Variants in CERT1 observed in about 807,000 individuals in gnomAD.
CERT1 encodes ceramide transporter 1.
In CERT1, 31 loss-of-function variants were observed where a neutral mutation model predicts 87.9. The observed-to-expected ratio is 0.35, with a 90% CI of 0.27 to 0.48. CERT1 has a LOEUF of 0.48. Ranked by LOEUF, CERT1 falls within the 20% of genes least tolerant of loss-of-function variation. CERT1 has a pLI of 0.99. For missense variants in CERT1, 487 were observed against 758.0 expected, an observed-to-expected ratio of 0.64 and a Z score of 4.20; for synonymous variants, 289 against 250.9, an observed-to-expected ratio of 1.15 and a Z score of -1.44.
chr5:75,443,898 T>C (rs1308680032), intron 3 of CERT1, among the ~76,000 whole-genome samples: 1 of 152,218 alleles, frequency 6.6e-6, no homozygotes, highest in Non-Finnish European at 1.5e-5. Flanking sequence ...AATGTCCTTA[T>C]TTGTCTCTTA....
chr5:75,482,990 T>A (rs1239525209), intron 2 of CERT1, among the ~76,000 whole-genome samples: 1 of 152,150 alleles, frequency 6.6e-6, no homozygotes, highest in African/African-American at 2.4e-5. Flanking sequence ...TCAATGAACA[T>A]CCATAGCATT....
chr5:75,455,483 A>C (rs1028576700), intron 3 of CERT1, among the ~76,000 whole-genome samples: 22 of 152,188 alleles, frequency 1.4e-4, no homozygotes, highest in African/African-American at 4.8e-4. Flanking sequence ...GTTTGAGCCT[A>C]GTTAAAATGA....
chr5:75,476,191 T>C (rs186008118), intron 2 of CERT1, among the ~76,000 whole-genome samples: 2 of 152,244 alleles, frequency 1.3e-5, no homozygotes, highest in Admixed American at 6.5e-5. Context: ...TCTGGCAGCA[T>C]AAAACATTTT....
chr5:75,500,994 GTTTTTTTTT>G (rs533662687), intron 2 of CERT1, among the ~76,000 whole-genome samples: 1 of 136,932 alleles, frequency 7.3e-6, no homozygotes, highest in Non-Finnish European at 1.6e-5. Flanking sequence ...TGTTTTTTTT[GTTTTTTTTT>G]TTTGAGACAG....
At chr5:75,407,626 T>C (rs957024199) in intron 8 of CERT1, among the ~76,000 whole-genome samples, 6 of 152,038 alleles carry the variant, frequency 3.9e-5, no homozygotes, top group Non-Finnish European at 8.8e-5. Flanking sequence ...TAAAAAAGAA[T>C]GAAATCATAT....
At chr5:75,433,022 A>C (rs183390902) in intron 3 of CERT1, among the ~76,000 whole-genome samples, 2 of 152,140 alleles carry the variant, frequency 1.3e-5, no homozygotes, top group African/African-American at 4.8e-5. Context: ...GTGAGGCTTT[A>C]TTTCTGGGTT....
intron 13 of CERT1, among the ~76,000 whole-genome samples, chr5:75,385,113 A>C (rs762604106): frequency 6.6e-6 from 1 of 152,196 alleles, no homozygotes; most frequent in African/African-American, 2.4e-5. Context: ...GCCAATGATA[A>C]ACATCTGATG....
At chr5:75,498,091 G>A (rs918328987) in intron 2 of CERT1, among the ~76,000 whole-genome samples, 6 of 152,118 alleles carry the variant, frequency 3.9e-5, no homozygotes, top group Admixed American at 1.3e-4. Context: ...AGAGACTGGC[G>A]GCATTTTGCC....
At chr5:75,490,467 T>TA (rs1766731536) in intron 2 of CERT1, among the ~76,000 whole-genome samples, 1 of 152,170 alleles carries the variant, frequency 6.6e-6, no homozygotes, top group South Asian at 2.1e-4. Context: ...CATTGTTGTC[T>TA]ACTCTTTCTT....
At position 75,429,677 on chromosome 5, in the gene CERT1, A is replaced by G. The variant is rs190387462; in HGVS notation, c.349-3199T>C. 4.3e-4 allele frequency among the ~76,000 whole-genome samples: 65 copies of G among 151,984 alleles called. 1 individual carries two copies. Among genetic ancestry groups the G allele is most frequent in the South Asian group, 6.2e-4 (3 of 4,802 alleles). On this transcript the variant is annotated intron_variant, in intron 3 of 16. Transcript: ENST00000643780. ...GAAGCCTAGGTGACAGAGCAAGAAGACCCTGTCTCTTAAACAAGCAAGTAA... is the reference window on the plus strand; with the variant it reads ...GAAGCCTAGGTGACAGAGCAAGAAGGCCCTGTCTCTTAAACAAGCAAGTAA...
chr5:75,488,056 G>A (rs1214873449), intron 2 of CERT1, among the ~76,000 whole-genome samples: 1 of 151,972 alleles, frequency 6.6e-6, no homozygotes, highest in East Asian at 1.9e-4. Context: ...ACCAGAGGCT[G>A]GGAAGATTAG....
chr5:75,506,153 CA>C, intron 1 of CERT1, 37 bp from the exon 2 acceptor site: 1 of 1,582,610 alleles, frequency 6.3e-7, no homozygotes, highest in Non-Finnish European at 8.6e-7. Flanking sequence ...GAGAAGAAAA[CA>C]AAAAATAGAA....
At chr5:75,405,401 C>T (rs143482536) in intron 8 of CERT1, among the ~76,000 whole-genome samples, 116 of 152,296 alleles carry the variant, frequency 7.6e-4, no homozygotes, top group Non-Finnish European at 7.4e-4. Flanking sequence ...TTATATCCAA[C>T]GCTTCAGTCA....
At chr5:75,491,893 G>C (rs1459678841) in intron 2 of CERT1, among the ~76,000 whole-genome samples, 1 of 152,090 alleles carries the variant, frequency 6.6e-6, no homozygotes, top group Non-Finnish European at 1.5e-5. Flanking sequence ...AAATCATTCT[G>C]AACTCTTTGA....
At chr5:75,407,489 A>G (rs1186970725) in intron 8 of CERT1, among the ~76,000 whole-genome samples, 5 of 151,702 alleles carry the variant, frequency 3.3e-5, no homozygotes, top group African/African-American at 1.2e-4. Flanking sequence ...AAAAAAAGGC[A>G]AATTCTATAC....
In CERT1 at chr5:75,422,293, T is replaced by TC. The variant is rs1763416263; in HGVS notation, c.596-2870_596-2869insG. Among the ~76,000 whole-genome samples, 7 of 152,126 alleles carry TC rather than the reference T, an allele frequency of 4.6e-5. 1 individual carries two copies. The highest frequency in any genetic ancestry group is 4.6e-4 in the Admixed American group (7 of 15,268). ...TTCCTCTCAAACTACCCCTTTACCA[T>TC]AACCTTCCACCTCCAAAACAGACAC... On this transcript the variant is annotated intron_variant, in intron 5 of 16. Transcript: ENST00000643780.
intron 1 of CERT1, among the ~76,000 whole-genome samples, chr5:75,510,709 C>A (rs1181409267): frequency 6.6e-6 from 1 of 152,160 alleles, no homozygotes; most frequent in African/African-American, 2.4e-5. Flanking sequence ...TGCCCCCCAA[C>A]CTACTCGGCT....
intron 8 of CERT1, among the ~76,000 whole-genome samples, chr5:75,407,528 C>CAAA (rs1294110061): frequency 4.8e-5 from 7 of 144,998 alleles, no homozygotes; most frequent in African/African-American, 1.8e-4. Context: ...GAAAAAAAAC[C>CAAA]CAAACAAACA....
At chr5:75,495,158 G>T (rs1259944567) in intron 2 of CERT1, among the ~76,000 whole-genome samples, 1 of 152,158 alleles carries the variant, frequency 6.6e-6, no homozygotes, top group Non-Finnish European at 1.5e-5. Flanking sequence ...TCATTAGAGG[G>T]AAAGTATATT....
Sources: gnomAD v4.1 joint callset for allele counts (sites outside exome capture counted in the v4.1 genomes callset) on GRCh38, gnomAD v4.1.1 for gene constraint, MANE v1.5 for transcripts, NCBI Gene and HGNC (gene_info 2026-07-23, HGNC 2026-07-21) for gene names.